The following CERT1 variants were observed in gnomAD, a reference collection of about 807,000 sequenced individuals.
CERT1 encodes the protein ceramide transporter 1.
In CERT1, 31 loss-of-function variants were observed where a neutral mutation model predicts 87.9. The ratio of observed to expected loss-of-function variants is 0.35; its 90% CI spans 0.27 to 0.48. The LOEUF is 0.48. Among genes scored for constraint, CERT1 ranks in the 20% least tolerant of loss-of-function variants. The pLI, the probability that CERT1 is intolerant of heterozygous loss-of-function variation, is 0.99. For missense variants in CERT1, 487 were observed against 758.0 expected, an observed-to-expected ratio of 0.64 and a Z score of 4.20; for synonymous variants, 289 against 250.9, an observed-to-expected ratio of 1.15 and a Z score of -1.44.
intron 11 of CERT1, among the ~76,000 whole-genome samples, chr5:75,395,840 ACT>A (rs1762229624): frequency 1.3e-5 from 2 of 152,042 alleles, no homozygotes; most frequent in African/African-American, 2.4e-5. Context: ...ACAGAATGAG[ACT>A]CTGTCTCAAA....
intron 2 of CERT1, among the ~76,000 whole-genome samples, chr5:75,480,471 A>T (rs1461609565): frequency 6.6e-6 from 1 of 152,152 alleles, no homozygotes; most frequent in East Asian, 1.9e-4. Flanking sequence ...AAGGGGGAAA[A>T]ATGGAATTCT....
intron 2 of CERT1, among the ~76,000 whole-genome samples, chr5:75,483,961 C>A (rs1351322720): frequency 6.6e-6 from 1 of 151,842 alleles, no homozygotes; most frequent in East Asian, 1.9e-4. Context: ...GGTGTGTAAA[C>A]TACTCATATC....
At chr5:75,390,522 T>A (rs1761988378) in intron 11 of CERT1, among the ~76,000 whole-genome samples, 1 of 152,140 alleles carries the variant, frequency 6.6e-6, no homozygotes, top group Admixed American at 6.5e-5. Context: ...CAAATTGTCC[T>A]TATACATTTT....
chr5:75,483,588 T>A (rs1248592967), intron 2 of CERT1, among the ~76,000 whole-genome samples: 1 of 152,022 alleles, frequency 6.6e-6, no homozygotes, highest in Non-Finnish European at 1.5e-5. Context: ...AGATTAAGCA[T>A]AAAGATCCTA....
intron 2 of CERT1, among the ~76,000 whole-genome samples, chr5:75,486,798 G>T (rs986199665): frequency 1.3e-5 from 2 of 151,964 alleles, no homozygotes; most frequent in Admixed American, 1.3e-4. Context: ...TCTCTACAAT[G>T]AAAACTATAA....
intron 2 of CERT1, among the ~76,000 whole-genome samples, chr5:75,500,664 G>C (rs1324074853): frequency 6.6e-6 from 1 of 152,052 alleles, no homozygotes; most frequent in Non-Finnish European, 1.5e-5. Context: ...GCTTTTATTT[G>C]CTGCATACCT....
At chr5:75,386,508 G>A (rs1031842753) in intron 12 of CERT1, among the ~76,000 whole-genome samples, 5 of 152,160 alleles carry the variant, frequency 3.3e-5, no homozygotes, top group African/African-American at 9.6e-5. Context: ...TGGCAAAAAC[G>A]TAAATACAGA....
chr5:75,387,294 CATT>C (rs562205594), intron 12 of CERT1, among the ~76,000 whole-genome samples: 166 of 152,298 alleles, frequency 1.1e-3, no homozygotes, highest in Non-Finnish European at 2.2e-3. Context: ...CTCTAGCTCA[CATT>C]ATTATTTTTT....
At chr5:75,477,647 T>TTAA (rs1554044739) in intron 2 of CERT1, among the ~76,000 whole-genome samples, 4 of 89,522 alleles carry the variant, frequency 4.5e-5, no homozygotes, top group Admixed American at 1.3e-4. Flanking sequence ...TAATAAGTTG[T>TTAA]AAAAAAAAAA....
At chr5:75,438,000 G>A (rs1426267955) in intron 3 of CERT1, among the ~76,000 whole-genome samples, 2 of 151,918 alleles carry the variant, frequency 1.3e-5, no homozygotes, top group Non-Finnish European at 2.9e-5. Context: ...GTCATTGTGT[G>A]AAATTTCCTG....
Position 75,372,240 on chromosome 5 carries a change from G to T in CERT1, c.*10-3582C>A, listed in dbSNP as rs535108213. On this transcript the variant is annotated intron_variant, in intron 17 of 17. Coordinates refer to the CERT1 transcript ENST00000261415. ...ATAGTTACCAGAAATGGCAAACAGA[G>T]AAACATTTATAGTGCGCATATAGAA... 5 of 152,224 alleles carry T rather than the reference G, an allele frequency of 3.3e-5. No homozygotes were observed. In the East Asian group the frequency reaches 7.7e-4, roughly 23 times the overall value. 9.4% of individuals were successfully genotyped at this position (152,224 alleles called of 1,614,324 possible). A position where few individuals can be genotyped will look rare whatever the true frequency, so the allele number is the denominator to read the frequency against.
chr5:75,418,081 G>A (rs1378114652), intron 6 of CERT1, among the ~76,000 whole-genome samples: 5 of 152,146 alleles, frequency 3.3e-5, no homozygotes, highest in Non-Finnish European at 5.9e-5. Context: ...ACTTGAAACC[G>A]GGAGGTGGAG....
In CERT1 at chr5:75,416,163, C is replaced by T. The variant is rs138816464; in HGVS notation, c.837+713G>A. 1.3e-3 allele frequency among the ~76,000 whole-genome samples: 202 copies of T among 152,242 alleles called. 2 individuals carry two copies. The highest frequency in any genetic ancestry group is 4.6e-3 in the African/African-American group (193 of 41,552). ...ATATATAAAAGAATAGAGAAAAATG[C>T]CTCTAACTCTATTACTTTTCACCTT... is the stretch of plus-strand genomic sequence containing the variant. On this transcript the variant is annotated intron_variant, in intron 7 of 16. Coordinates refer to ENST00000643780, the MANE Select transcript of CERT1 (RefSeq NM_001379029.1).
At chr5:75,494,052 G>A (rs1766939442) in intron 2 of CERT1, among the ~76,000 whole-genome samples, 2 of 151,934 alleles carry the variant, frequency 1.3e-5, no homozygotes, top group Admixed American at 1.3e-4. Flanking sequence ...CCTTCTTTTT[G>A]TTGGACATCT....
At chr5:75,508,913 T>C (rs949658279) in intron 1 of CERT1, among the ~76,000 whole-genome samples, 1 of 152,132 alleles carries the variant, frequency 6.6e-6, no homozygotes, top group Admixed American at 6.5e-5. Context: ...GATTATTTTA[T>C]CCAGGCTTAG....
intron 9 of CERT1, chr5:75,402,056 A>G (rs919653759): frequency 5.3e-5 from 8 of 152,214 alleles, no homozygotes; most frequent in African/African-American, 1.9e-4. Context: ...TAAAGAAGAC[A>G]AAGTATCAAA....
intron 2 of CERT1, among the ~76,000 whole-genome samples, chr5:75,484,648 T>C (rs1334903048): frequency 2.0e-5 from 3 of 151,880 alleles, no homozygotes; most frequent in Non-Finnish European, 2.9e-5. Context: ...AAGAAGGTCG[T>C]TACATAATGA....
chr5:75,395,930 C>A (rs1762234420), intron 11 of CERT1, among the ~76,000 whole-genome samples: 1 of 152,102 alleles, frequency 6.6e-6, no homozygotes, highest in African/African-American at 2.4e-5. Context: ...ACTTGCAGTC[C>A]TTTACAACTT....
chr5:75,381,862 G>C, intron 15 of CERT1, 87 bp downstream of exon 15: 1 of 1,195,540 alleles, frequency 8.4e-7, no homozygotes, highest in Non-Finnish European at 1.2e-6. Flanking sequence ...CAAGTATAGT[G>C]TATGGGCTGT....
Sources: allele counts gnomAD v4.1 joint callset (sites outside exome capture counted in the v4.1 genomes callset), GRCh38; gene constraint gnomAD v4.1.1; transcripts MANE v1.5; gene names NCBI Gene and HGNC (gene_info 2026-07-23, HGNC 2026-07-21).